Variants in ADGRB1 observed in about 807,000 individuals in gnomAD.
ADGRB1 encodes the protein brain-specific angiogenesis inhibitor 1.
Under a neutral mutation model 175.7 loss-of-function variants are expected in ADGRB1, and 36 were observed. That is an observed-to-expected ratio of 0.20 (90% confidence interval 0.16 to 0.27). The LOEUF (loss-of-function observed/expected upper bound fraction) is 0.27, where lower values mean the gene tolerates loss of function less well. Among genes scored for constraint, ADGRB1 ranks in the 10% least tolerant of loss-of-function variants. The pLI is 1.00. For synonymous variants in ADGRB1, 1,054 were observed against 979.4 expected (o/e 1.08, Z -1.42); for missense variants, 1,731 against 2,255.3 (o/e 0.77, Z 4.71).
chr8:142,478,639 G>A (rs1274283456), intron 7 of ADGRB1, among the ~76,000 whole-genome samples: 3 of 151,014 alleles, frequency 2.0e-5, no homozygotes, highest in Admixed American at 6.6e-5. Flanking sequence ...GGGACTTGGG[G>A]TGTCCATGGG....
chr8:142,469,918 G>A (rs1028263793), intron 2 of ADGRB1, among the ~76,000 whole-genome samples: 1 of 152,240 alleles, frequency 6.6e-6, no homozygotes, highest in Non-Finnish European at 1.5e-5. Flanking sequence ...TGCCCAGGGA[G>A]CGTTGTGCCC....
At chr8:142,501,655 G>GGT (rs1842554419) in intron 17 of ADGRB1, among the ~76,000 whole-genome samples, 1 of 74,602 alleles carries the variant, frequency 1.3e-5, no homozygotes, top group Non-Finnish European at 3.1e-5. Flanking sequence ...GGTGATGATG[G>GGT]GGTGGTGGTA....
chr8:142,473,901 G>A (rs1840794217), intron 2 of ADGRB1, among the ~76,000 whole-genome samples: 1 of 152,238 alleles, frequency 6.6e-6, no homozygotes, highest in African/African-American at 2.4e-5. Flanking sequence ...GTGGGGCAGG[G>A]TGGGGGGCAC....
At chr8:142,530,247 C>T (rs142154782) in intron 24 of ADGRB1, among the ~76,000 whole-genome samples, 13 of 151,776 alleles carry the variant, frequency 8.6e-5, no homozygotes, top group South Asian at 4.2e-4. Context: ...TGTGTGTGTA[C>T]GCATGTGTGC....
Position 142,477,214 on chromosome 8 carries a change from C to T in ADGRB1, c.1158C>T (p.Tyr386=). 6.3e-7 allele frequency: 1 copy of T among 1,598,296 alleles called. No homozygotes were observed. The highest frequency in any genetic ancestry group is 8.5e-7 in the Non-Finnish European group (1 of 1,177,336). ...TRTRFCVSSS[Y]STQCSGPLRE... ...CGCGCTTCTGCGTGTCCTCCTCCTA[C>T]AGCACGCAGTGCAGCGGACCCCTGC... The change falls in exon 5 of 31, where the codon TAC becomes TAT. Residue 386 remains tyrosine, a synonymous_variant. Coordinates refer to ENST00000517894, the MANE Select transcript of ADGRB1 (RefSeq NM_001702.3).
intron 27 of ADGRB1, chr8:142,539,790 C>A (rs994033144): frequency 6.5e-6 from 2 of 309,844 alleles, no homozygotes; most frequent in Non-Finnish European, 6.1e-6. Context: ...GCTCCCCCCC[C>A]CTGCCTCCTG....
In ADGRB1 at chr8:142,511,147, GTGGGGA is replaced by G; in HGVS notation, c.2817+75_2817+80del. On this transcript the variant is annotated intron_variant, in intron 18 of 30. Transcript: ENST00000517894. The surrounding 1 kb of genome is among the most constrained non-coding windows in gnomAD (Gnocchi z 4.5). Reference sequence around the variant, plus strand: ...GCGGGGGCTGCCGGCGGGCCTGCGGGTGGGGAGGGCCCGCACCCGTCCTGTCCCGGA... The same window carrying G: ...GCGGGGGCTGCCGGCGGGCCTGCGGGGGGCCCGCACCCGTCCTGTCCCGGA... 1 of 1,011,830 alleles carries G rather than the reference GTGGGGA, an allele frequency of 9.9e-7. No individual in the cohort carries two copies. Among genetic ancestry groups the G allele is most frequent in the Non-Finnish European group, 1.2e-6 (1 of 841,674 alleles). 62.7% of individuals were successfully genotyped at this position (1,011,830 alleles called of 1,614,324 possible).
Position 142,493,621 on chromosome 8 carries a change from C to T in ADGRB1, c.2675+2806C>T, listed in dbSNP as rs898640250. 5.3e-5 allele frequency among the ~76,000 whole-genome samples: 8 copies of T among 152,364 alleles called. No homozygotes were observed. Among genetic ancestry groups the T allele is most frequent in the African/African-American group, 1.9e-4 (8 of 41,586 alleles). On this transcript the variant is annotated intron_variant, in intron 17 of 30. Transcript: ENST00000517894. The surrounding 1 kb of genome is among the most constrained non-coding windows in gnomAD (Gnocchi z 5.0). ...TTGTGCCCAAGTTGCCTCTTGGGTC[C>T]TTGACCCTGCCCGGCAGCCAGGCCA...
At chr8:142,514,124 C>T (rs1035648229) in intron 18 of ADGRB1, among the ~76,000 whole-genome samples, 28 of 152,042 alleles carry the variant, frequency 1.8e-4, no homozygotes, top group Middle Eastern at 6.8e-3. Flanking sequence ...TGGATGGACA[C>T]GTTGGGTGTG....
chr8:142,526,388 C>T (rs1311203416), intron 23 of ADGRB1, among the ~76,000 whole-genome samples, 154 bp from the exon 24 acceptor site: 1 of 152,158 alleles, frequency 6.6e-6, no homozygotes, highest in Non-Finnish European at 1.5e-5. Flanking sequence ...GACATCCCAT[C>T]AGGCACTGGG....
chr8:142,469,297 G>A lies in ADGRB1; in HGVS notation c.784+4315G>A, dbSNP rs191480746. 1.1e-3 allele frequency among the ~76,000 whole-genome samples: 161 copies of A among 150,880 alleles called. No individual in the cohort carries two copies. The Middle Eastern group carries it at 0.014, about 13-fold the overall frequency. ...TGCAGGTGAGTGAATGTGTGTGCAC[G>A]CGTGCATGTGTGAATGTAAATGTGT... On this transcript the variant is annotated intron_variant, in intron 2 of 30. Transcript: ENST00000517894.
chr8:142,518,350 C>A, intron 19 of ADGRB1, 109 bp downstream of exon 19: 1 of 1,150,704 alleles, frequency 8.7e-7, no homozygotes, highest in South Asian at 1.4e-5. Flanking sequence ...TCCATTTGTC[C>A]TCACGTTCCC....
chr8:142,539,683 G>A (rs1845148748), intron 27 of ADGRB1: 2 of 568,608 alleles, frequency 3.5e-6, no homozygotes, highest in Admixed American at 6.3e-5. Context: ...CTCCTGCTGA[G>A]CAGGTGCCTG....
At chr8:142,538,638 C>A (rs1421871094) in intron 26 of ADGRB1, among the ~76,000 whole-genome samples, 1 of 152,232 alleles carries the variant, frequency 6.6e-6, no homozygotes, top group East Asian at 1.9e-4. Context: ...TGGAGAAGGA[C>A]AGCCCCAGGC....
At chr8:142,454,962 C>T (rs1238325409) in intron 1 of ADGRB1, among the ~76,000 whole-genome samples, 1 of 150,986 alleles carries the variant, frequency 6.6e-6, no homozygotes, top group East Asian at 2.0e-4. Flanking sequence ...AGACCTCTGC[C>T]CCTCCTCCCT....
At chr8:142,528,508 G>C (rs963025411) in intron 24 of ADGRB1, among the ~76,000 whole-genome samples, 1 of 152,146 alleles carries the variant, frequency 6.6e-6, no homozygotes, top group Non-Finnish European at 1.5e-5. Context: ...AGAGCAGGGC[G>C]CTTGCTTTCG....
chr8:142,482,978 C>T (rs901201725), intron 11 of ADGRB1, among the ~76,000 whole-genome samples: 1 of 151,090 alleles, frequency 6.6e-6, no homozygotes, highest in Admixed American at 6.6e-5. Context: ...ACACTGAGCC[C>T]AGATCCTGGT....
At position 142,490,847 on chromosome 8, in the gene ADGRB1, G is replaced by C. The variant is rs1033013132; in HGVS notation, c.2675+32G>C. The C allele has an allele frequency of 3.8e-6, 6 of 1,562,428 alleles. No individual in the cohort carries two copies. The South Asian group carries it at 5.9e-5, about 15-fold the overall frequency. On this transcript the variant is annotated intron_variant, in intron 17 of 30. Transcript: ENST00000517894. ...TCACTTGGATTTCATGGCCGTGGGG[G>C]TCTGGGGTGGGGTTCGTGGGAGGCT...
At chr8:142,463,491 G>A (rs546609237) in intron 1 of ADGRB1, among the ~76,000 whole-genome samples, 3 of 152,254 alleles carry the variant, frequency 2.0e-5, no homozygotes, top group South Asian at 2.1e-4. Context: ...CCCTTCCCAC[G>A]GGGTTTGCAG....
Sources: allele counts gnomAD v4.1 joint callset (sites outside exome capture counted in the v4.1 genomes callset), GRCh38; gene constraint gnomAD v4.1.1; non-coding constraint Gnocchi (gnomAD v3.1); transcripts MANE v1.5; gene names NCBI Gene and HGNC (gene_info 2026-07-23, HGNC 2026-07-21).